RAI1: variants seen among roughly 807,000 people sequenced by gnomAD.
RAI1 encodes retinoic acid-induced protein 1.
In RAI1, 9 loss-of-function variants were observed where a neutral mutation model predicts 123.8. The observed-to-expected ratio is 0.07, with a 90% CI of 0.04 to 0.13. The LOEUF is 0.13. Among genes scored for constraint, RAI1 ranks in the 10% least tolerant of loss-of-function variants. The pLI, the probability that RAI1 is intolerant of heterozygous loss-of-function variation, is 1.00. For missense variants in RAI1, 2,256 were observed against 2,545.8 expected (o/e 0.89, Z 2.45); for synonymous variants, 1,231 against 1,127.3 (o/e 1.09, Z -1.84).
chr17:17,691,724 T>G (rs557980804), intron 1 of RAI1, among the ~76,000 whole-genome samples: 6 of 152,186 alleles, frequency 3.9e-5, no homozygotes, highest in African/African-American at 1.4e-4. Flanking sequence ...AAGAGAGGAC[T>G]AAACCCTTTA....
intron 4 of RAI1, among the ~76,000 whole-genome samples, chr17:17,808,047 G>A (rs1017030620): frequency 1.3e-5 from 2 of 152,220 alleles, no homozygotes; most frequent in African/African-American, 4.8e-5. Flanking sequence ...GCCACCTCCA[G>A]TGTGAACAGG....
intron 2 of RAI1, chr17:17,766,391 A>C (rs1411344816): frequency 6.6e-6 from 1 of 152,104 alleles, no homozygotes; most frequent in Non-Finnish European, 1.5e-5. Flanking sequence ...GGAAGAAGAA[A>C]AATGAGGCTT....
At chr17:17,750,849 A>G (rs1379279881) in intron 2 of RAI1, among the ~76,000 whole-genome samples, 2 of 152,222 alleles carry the variant, frequency 1.3e-5, no homozygotes, top group Non-Finnish European at 2.9e-5. Context: ...GCTGAGCCAC[A>G]GTTGCTGGCC....
intron 2 of RAI1, among the ~76,000 whole-genome samples, chr17:17,731,201 C>T (rs1401979578): frequency 2.0e-5 from 3 of 152,222 alleles, no homozygotes; most frequent in African/African-American, 4.8e-5. Context: ...GGGTGCCTGG[C>T]GGCCAGGCCT....
rs1399723367 is a variant in RAI1 at position 17,799,942 on chromosome 17, G to A, written c.5565+1429G>A. Reference sequence around the variant, plus strand: ...TTGCCACCCACGCCTCCTAGTGTGTGTCTTGGGCACCTGCTTCCCACTGCC... The same window carrying A: ...TTGCCACCCACGCCTCCTAGTGTGTATCTTGGGCACCTGCTTCCCACTGCC... On this transcript the variant is annotated intron_variant, in intron 3 of 5. Coordinates refer to ENST00000353383, the MANE Select transcript of RAI1 (RefSeq NM_030665.4). This position sits in a 1 kb window ranked among gnomAD's most constrained non-coding sequence, Gnocchi z 4.5. Among the ~76,000 whole-genome samples the A allele has an allele frequency of 6.6e-6, 1 of 152,208 alleles. No individual in the cohort carries two copies. Among genetic ancestry groups the A allele is most frequent in the Non-Finnish European group, 1.5e-5 (1 of 68,022 alleles).
At chr17:17,691,637 G>GT (rs1414721638) in intron 1 of RAI1, among the ~76,000 whole-genome samples, 90 of 152,332 alleles carry the variant, frequency 5.9e-4, no homozygotes, top group Middle Eastern at 3.4e-3. Flanking sequence ...CACCTGGTGT[G>GT]TGCCCGGGGA....
chr17:17,718,837 C>T (rs1915792008), intron 1 of RAI1, among the ~76,000 whole-genome samples: 1 of 152,162 alleles, frequency 6.6e-6, no homozygotes. Context: ...GTTTTCTAAG[C>T]TACCACATTG....
intron 2 of RAI1, among the ~76,000 whole-genome samples, chr17:17,784,074 C>T (rs1194963287): frequency 1.3e-5 from 2 of 152,134 alleles, no homozygotes; most frequent in African/African-American, 4.8e-5. Context: ...TGCGGTGTGG[C>T]AGGCGGCCAG....
At position 17,794,563 on chromosome 17, in the gene RAI1, C is replaced by A. The variant is rs1567918350; in HGVS notation, c.1615C>A (p.Pro539Thr). The change falls in exon 3 of 6, where the codon CCT becomes ACT. Residue 539 changes from proline (P) to threonine (T), a missense_variant. By Grantham distance (38) the Pro-to-Thr change is conservative. Transcript: ENST00000353383. ...FLYCNQARGS[P>T]ARVNSNSKAK... is the part of the protein sequence containing the mutation. ...CTACTGCAACCAGGCCCGTGGCAGCCCTGCCAGGGTCAACAGCAACTCGAA... is the reference window on the plus strand; with the variant it reads ...CTACTGCAACCAGGCCCGTGGCAGCACTGCCAGGGTCAACAGCAACTCGAA... 6.2e-7 allele frequency: 1 copy of A among 1,613,210 alleles called. No individual in the cohort carries two copies. Among genetic ancestry groups the A allele is most frequent in the Non-Finnish European group, 8.5e-7 (1 of 1,180,024 alleles).
intron 1 of RAI1, among the ~76,000 whole-genome samples, chr17:17,715,884 C>A (rs1915698593): frequency 6.6e-6 from 1 of 152,232 alleles, no homozygotes; most frequent in African/African-American, 2.4e-5. Context: ...CCACATCCTC[C>A]TCCTGTTGTC....
chr17:17,716,936 C>T (rs1334727320), intron 1 of RAI1, among the ~76,000 whole-genome samples: 1 of 152,210 alleles, frequency 6.6e-6, no homozygotes, highest in Non-Finnish European at 1.5e-5. Flanking sequence ...GGGATGCCCA[C>T]CACTGGGGGA....
rs114872667 is a variant in RAI1, at chr17:17,690,467, C to T, written c.-149+8674C>T. 1.7e-3 allele frequency among the ~76,000 whole-genome samples: 262 copies of T among 152,156 alleles called. 1 individual carries two copies. Among genetic ancestry groups the T allele is most frequent in the African/African-American group, 5.9e-3 (245 of 41,518 alleles). On this transcript the variant is annotated intron_variant, in intron 1 of 5. Coordinates refer to ENST00000353383, the MANE Select transcript of RAI1 (RefSeq NM_030665.4). ...TCCTGATTGAGGACTCCTCACCAGC[C>T]GGAGGCAGCAGGACTGCCTGCCTCT...
At chr17:17,744,137 A>G (rs1036499314) in intron 2 of RAI1, among the ~76,000 whole-genome samples, 1 of 152,130 alleles carries the variant, frequency 6.6e-6, no homozygotes, top group Non-Finnish European at 1.5e-5. Flanking sequence ...CAGATTTGGG[A>G]CTTGTCCACC....
intron 2 of RAI1, among the ~76,000 whole-genome samples, chr17:17,728,200 G>A (rs942070929): frequency 6.6e-6 from 1 of 151,894 alleles, no homozygotes. Flanking sequence ...TGAGCACACT[G>A]TTTCCTCCTA....
chr17:17,703,412 CA>C (rs1273143249), intron 1 of RAI1, among the ~76,000 whole-genome samples: 1 of 152,148 alleles, frequency 6.6e-6, no homozygotes, highest in African/African-American at 2.4e-5. Flanking sequence ...GCCCCTAGGC[CA>C]AAAACCTTTG....
In RAI1 at chr17:17,795,505, C is replaced by A; in HGVS notation, c.2557C>A (p.Leu853Ile). 1 of 1,590,174 alleles carries A rather than the reference C, an allele frequency of 6.3e-7. No individual in the cohort carries two copies. The highest frequency in any genetic ancestry group is 8.6e-7 in the Non-Finnish European group (1 of 1,168,314). ...CTGTTCCACCGCCGACTTCGGGGAC[C>A]TCCCACTGCTGCCACCCACCAGCAG... is the stretch of plus-strand genomic sequence containing the variant. ...HCCSTADFGDLPLLPPTSRKE... is the reference protein window; with the variant it reads ...HCCSTADFGDIPLLPPTSRKE... Residue 853 changes from leucine to isoleucine, a missense_variant, in exon 3 of 6, where the codon CTC (leucine) becomes ATC (isoleucine). Physicochemically the swap from Leu to Ile is conservative, Grantham distance 5. This residue lies in a region of RAI1 where 566 missense variants were observed against 616.0 expected (regional missense o/e 0.92). Transcript: ENST00000353383. The surrounding 1 kb of genome is among the most constrained non-coding windows in gnomAD (Gnocchi z 5.9).
chr17:17,728,975 G>A (rs561835190), intron 2 of RAI1, among the ~76,000 whole-genome samples: 1 of 152,312 alleles, frequency 6.6e-6, no homozygotes, highest in South Asian at 2.1e-4. Flanking sequence ...CCTTGCTGAG[G>A]TCCGAGCAGC....
Position 17,809,279 on chromosome 17 carries a change from G to A in RAI1, c.5660-111G>A. 2 of 905,236 alleles carry A rather than the reference G, an allele frequency of 2.2e-6. No homozygotes were observed. The highest frequency in any genetic ancestry group is 1.3e-5 in the South Asian group (1 of 76,818). The allele number at this position is 905,236 out of a possible 1,614,324, so 56.1% of individuals were successfully genotyped here. Reference sequence around the variant, plus strand: ...GATTAACTCTTTGAAAAGAGCCCCTGCAGTCTGGAGCCTCGCGGGCAGTGC... The same window carrying A: ...GATTAACTCTTTGAAAAGAGCCCCTACAGTCTGGAGCCTCGCGGGCAGTGC... On this transcript the variant is annotated intron_variant, in intron 4 of 5. Transcript: ENST00000353383. This position sits in a 1 kb window ranked among gnomAD's most constrained non-coding sequence, Gnocchi z 4.9.
At chr17:17,767,024 A>T (rs976191283) in intron 2 of RAI1, among the ~76,000 whole-genome samples, 1 of 151,678 alleles carries the variant, frequency 6.6e-6, no homozygotes, top group Non-Finnish European at 1.5e-5. Flanking sequence ...CAGAGTGGAG[A>T]CTGGGCAGGA....
Sources: gnomAD v4.1 joint callset for allele counts (sites outside exome capture counted in the v4.1 genomes callset) on GRCh38, gnomAD v4.1.1 for gene constraint, gnomAD v4.1.1 regional missense constraint, Gnocchi (gnomAD v3.1) non-coding constraint, MANE v1.5 for transcripts, NCBI Gene and HGNC (gene_info 2026-07-23, HGNC 2026-07-21) for gene names.